NLGN4X: variants seen among roughly 807,000 people sequenced by gnomAD.
NLGN4X encodes neuroligin 4 X-linked, also known as neuroligin-4, X-linked.
NLGN4X carries 3 observed loss-of-function variants against 40.3 expected under a neutral mutation model. The ratio of observed to expected loss-of-function variants is 0.07; its 90% confidence interval spans 0.03 to 0.19. The LOEUF is 0.19. NLGN4X is among the 10% of genes least tolerant of loss of function. The probability of loss-of-function intolerance (pLI) is 1.00; values close to 1 mark genes in which losing one functional copy is unlikely to be tolerated. For synonymous variants in NLGN4X, 270 were observed against 306.8 expected, an observed-to-expected ratio of 0.88 and a Z score of 1.25; for missense variants, 382 against 708.3, an observed-to-expected ratio of 0.54 and a Z score of 5.23.
intron 3 of NLGN4X, among the ~76,000 whole-genome samples, chrX:5,969,669 ACTGATCATATACCC>A (rs1468129749): frequency 9.0e-6 from 1 of 111,203 alleles, no homozygotes; most frequent in East Asian, 2.8e-4. Context: ...CCATCCCACT[ACTGATCATATACCC>A]AAAGGATTAT....
intron 2 of NLGN4X, among the ~76,000 whole-genome samples, chrX:6,093,103 CAGG>C (rs917236247): frequency 4.6e-5 from 5 of 109,841 alleles, no homozygotes; most frequent in African/African-American, 1.3e-4. Context: ...CAAAAATAAA[CAGG>C]AGATCTTAAA....
At chrX:6,130,676 C>T (rs2039660827) in intron 2 of NLGN4X, among the ~76,000 whole-genome samples, 1 of 112,861 alleles carries the variant, frequency 8.9e-6, no homozygotes, top group East Asian at 2.8e-4. Context: ...GTTTCTTTTG[C>T]CCATATTTGG....
intron 2 of NLGN4X, among the ~76,000 whole-genome samples, chrX:6,134,638 A>G (rs2039772161): frequency 1.8e-5 from 2 of 112,615 alleles, no homozygotes; most frequent in African/African-American, 6.5e-5. Flanking sequence ...AATAAACTAC[A>G]TGTTTGCTAA....
At chrX:6,020,767 T>TA (rs1030809842) in intron 3 of NLGN4X, among the ~76,000 whole-genome samples, 179 of 110,404 alleles carry the variant, frequency 1.6e-3, no homozygotes, top group African/African-American at 3.0e-3. Context: ...AAGCACAAAA[T>TA]AAAAAAAATT....
rs148463822 is a variant in NLGN4X at position 6,209,421 on chromosome X, C to T, written c.-306+19120G>A. Among the ~76,000 whole-genome samples the T allele has an allele frequency of 1.9e-3, 210 of 110,927 alleles. 2 individuals are homozygous for T. Among genetic ancestry groups the T allele is most frequent in the East Asian group, 0.017 (59 of 3,532 alleles). The stretch of plus-strand genomic sequence containing the variant: ...AACAGGAACGTGTATACAACGGGCA[C>T]CTAGAAGCTTGAGTCCAGCAATACC... On this transcript the variant is annotated intron_variant, in intron 1 of 5. Coordinates refer to ENST00000381095, the MANE Select transcript of NLGN4X (RefSeq NM_181332.3).
chrX:5,997,565 C>CAT (rs1555943283), intron 3 of NLGN4X, among the ~76,000 whole-genome samples: 24,093 of 67,936 alleles, frequency 0.35, 2,414 homozygotes, highest in African/African-American at 0.44. Flanking sequence ...TATAAAATTA[C>CAT]ATGTGTGTGT....
intron 1 of NLGN4X, among the ~76,000 whole-genome samples, chrX:6,217,075 C>A (rs905822824): frequency 3.6e-5 from 4 of 112,314 alleles, no homozygotes; most frequent in African/African-American, 1.3e-4. Flanking sequence ...AGCCACTGTA[C>A]CCAGCCACAT....
chrX:5,929,092 G>GAA (rs113770786), intron 3 of NLGN4X, among the ~76,000 whole-genome samples: 25 of 107,943 alleles, frequency 2.3e-4, no homozygotes, highest in African/African-American at 4.7e-4. Flanking sequence ...TGTTCATTTT[G>GAA]AAAAAAAAAT....
rs374192860 is a variant in NLGN4X at position 5,939,153 on chromosome X, A to G, written c.626-29914T>C. On this transcript the variant is annotated intron_variant, in intron 3 of 5. Transcript: ENST00000381095. ...AGTTCCCAGCAGACATTCCATCTGC[A>G]TGGAGAAGGGAACAGAAAGAGGAGT... Among the ~76,000 whole-genome samples the G allele has an allele frequency of 7.2e-5, 8 of 111,402 alleles. No individual in the cohort carries two copies. The South Asian group carries it at 3.0e-3, about 42-fold the overall frequency.
intron 2 of NLGN4X, among the ~76,000 whole-genome samples, chrX:6,054,096 C>T (rs2037558927): frequency 8.9e-6 from 1 of 112,314 alleles, no homozygotes; most frequent in South Asian, 3.7e-4. Context: ...GAAATCATTA[C>T]AGCTGCCACT....
chrX:6,228,265 C>T (rs930706236), intron 1 of NLGN4X, among the ~76,000 whole-genome samples: 6 of 111,352 alleles, frequency 5.4e-5, no homozygotes, highest in Non-Finnish European at 1.1e-4. Context: ...AAAATAAAAC[C>T]AAATATTTCT....
At chrX:6,056,936 G>A (rs191009837) in intron 2 of NLGN4X, among the ~76,000 whole-genome samples, 57 of 111,899 alleles carry the variant, frequency 5.1e-4, no homozygotes, top group African/African-American at 1.8e-3. Context: ...CTGGATCAGT[G>A]TACAGATCGA....
chrX:6,053,292 A>T (rs940960063), intron 2 of NLGN4X, among the ~76,000 whole-genome samples: 1 of 112,098 alleles, frequency 8.9e-6, no homozygotes, highest in African/African-American at 3.2e-5. Flanking sequence ...GGAAGGAGCA[A>T]GCATTTCCAT....
chrX:5,907,173 A>C (rs2032235480), intron 4 of NLGN4X, among the ~76,000 whole-genome samples: 1 of 111,952 alleles, frequency 8.9e-6, no homozygotes, highest in African/African-American at 3.3e-5. Context: ...AACAAATTAC[A>C]AAGCTGTCTT....
In NLGN4X at chrX:5,903,655, C is replaced by T; in HGVS notation, c.1023G>A (p.Gly341=). The T allele has an allele frequency of 8.3e-7, 1 of 1,211,963 alleles. No individual in the cohort carries two copies. The highest frequency in any genetic ancestry group is 1.1e-6 in the Non-Finnish European group (1 of 895,596). ...GGATGACGTCGCCGTCGATCACCGG[C>T]CCGAAGGCTATGTGGTAGGTGGCCG... is the stretch of plus-strand genomic sequence containing the variant. ...ITPATYHIAF[G]PVIDGDVIPD... is the part of the protein sequence containing the mutation. Residue 341 remains glycine, a synonymous_variant, in exon 5 of 6, where the codon GGG becomes GGA. Coordinates refer to ENST00000381095, the MANE Select transcript of NLGN4X (RefSeq NM_181332.3).
At chrX:5,980,965 G>C (rs2035369890) in intron 3 of NLGN4X, among the ~76,000 whole-genome samples, 1 of 111,315 alleles carries the variant, frequency 9.0e-6, no homozygotes, top group Non-Finnish European at 1.9e-5. Context: ...ATTTGGGATT[G>C]CAAAGAGTCT....
intron 1 of NLGN4X, among the ~76,000 whole-genome samples, chrX:6,225,707 T>C (rs1926205113): frequency 4.4e-5 from 3 of 67,489 alleles, no homozygotes; most frequent in African/African-American, 1.6e-4. Context: ...TTTTTTTTTT[T>C]TTTTTTTTTT....
At chrX:6,094,251 AGT>A (rs2038706451) in intron 2 of NLGN4X, among the ~76,000 whole-genome samples, 3 of 111,656 alleles carry the variant, frequency 2.7e-5, no homozygotes, top group African/African-American at 9.8e-5. Flanking sequence ...AAAAGTAATG[AGT>A]GAATCATCCC....
At chrX:6,185,620 T>C (rs974238177) in intron 1 of NLGN4X, among the ~76,000 whole-genome samples, 4 of 112,142 alleles carry the variant, frequency 3.6e-5, no homozygotes, top group African/African-American at 1.3e-4. Context: ...TGGTTTTAAC[T>C]GTACAAAATG....
Sources: gnomAD v4.1 joint callset for allele counts (sites outside exome capture counted in the v4.1 genomes callset) on GRCh38, gnomAD v4.1.1 for gene constraint, MANE v1.5 for transcripts, NCBI Gene and HGNC (gene_info 2026-07-23, HGNC 2026-07-21) for gene names.